The following RGL1 variants were observed in gnomAD, a reference collection of about 807,000 sequenced individuals.
RGL1 encodes ral guanine nucleotide dissociation stimulator-like 1.
Under a neutral mutation model 95.2 loss-of-function variants are expected in RGL1, and 24 were observed. The observed-to-expected ratio is 0.25, with a 90% confidence interval of 0.18 to 0.35. The LOEUF is 0.35. Ranked by LOEUF, RGL1 falls within the 10% of genes least tolerant of loss-of-function variation. RGL1 has a pLI of 1.00. For synonymous variants in RGL1, 329 were observed against 344.9 expected (o/e 0.95, Z 0.51); for missense variants, 715 against 936.3 (o/e 0.76, Z 3.08).
intron 4 of RGL1, among the ~76,000 whole-genome samples, chr1:183,879,632 C>T (rs1666712277): frequency 1.3e-5 from 2 of 152,316 alleles, no homozygotes; most frequent in South Asian, 4.1e-4. Flanking sequence ...ATTCCGGGAC[C>T]GTATGGGGTA....
intron 2 of RGL1, among the ~76,000 whole-genome samples, chr1:183,798,805 CTTTCT>C (rs1180219844): frequency 6.8e-6 from 1 of 147,196 alleles, no homozygotes; most frequent in African/African-American, 2.5e-5. Flanking sequence ...CAGTATTTGT[CTTTCT>C]GTATTTGGTT....
chr1:183,830,684 G>GAA (rs35154519), intron 2 of RGL1, among the ~76,000 whole-genome samples: 15,155 of 150,416 alleles, frequency 0.1, 812 homozygotes, highest in South Asian at 0.12. Flanking sequence ...GAATTCTGGA[G>GAA]AAAAAAAAAC....
chr1:183,707,701 G>T (rs1287580439), intron 1 of RGL1, among the ~76,000 whole-genome samples: 1 of 152,118 alleles, frequency 6.6e-6, no homozygotes, highest in Non-Finnish European at 1.5e-5. Context: ...TTGTCCTGAG[G>T]AGGGGACGGT....
At chr1:183,741,960 A>G (rs1278038657) in intron 1 of RGL1, among the ~76,000 whole-genome samples, 1 of 152,222 alleles carries the variant, frequency 6.6e-6, no homozygotes, top group East Asian at 1.9e-4. Context: ...TAAAATACCA[A>G]TAATGAATAT....
intron 1 of RGL1, among the ~76,000 whole-genome samples, chr1:183,638,999 G>A (rs181349800): frequency 6.6e-6 from 1 of 152,282 alleles, no homozygotes; most frequent in East Asian, 1.9e-4. Context: ...TTGAATCCTG[G>A]CTGGGCGTGG....
chr1:183,861,849 C>T (rs1039900968), intron 3 of RGL1, among the ~76,000 whole-genome samples: 2 of 152,092 alleles, frequency 1.3e-5, no homozygotes, highest in Non-Finnish European at 2.9e-5. Context: ...TTATTTACTA[C>T]CCTGGAATAA....
chr1:183,826,452 T>TGAG (rs1468186094), intron 2 of RGL1, among the ~76,000 whole-genome samples: 1 of 152,220 alleles, frequency 6.6e-6, no homozygotes, highest in Non-Finnish European at 1.5e-5. Context: ...GTAAGTTCCA[T>TGAG]GAGGACATGG....
intron 12 of RGL1, among the ~76,000 whole-genome samples, chr1:183,903,221 T>C (rs1668125147): frequency 6.6e-6 from 1 of 152,050 alleles, no homozygotes; most frequent in African/African-American, 2.4e-5. Flanking sequence ...GAAGAGTTAA[T>C]AAAGATGGTA....
rs1325240746 is a variant in RGL1 at position 183,891,749 on chromosome 1, T to TG, written c.1056-328_1056-327insG. ...TGTGTAACAGTTTTTTTTTTTTTTT[T>TG]TTTTTTTTTTTGTTTAACTCACTGA... On this transcript the variant is annotated intron_variant, in intron 8 of 17. Coordinates refer to ENST00000360851, the MANE Select transcript of RGL1 (RefSeq NM_001297671.3). Among the ~76,000 whole-genome samples the TG allele has an allele frequency of 3.2e-5, 4 of 124,710 alleles. No individual in the cohort carries two copies. In the South Asian group the frequency reaches 7.5e-4, roughly 23 times the overall value. 81.8% of individuals were successfully genotyped at this position (124,710 alleles called of 152,430 possible).
intron 14 of RGL1, among the ~76,000 whole-genome samples, chr1:183,909,076 C>T (rs1368620345): frequency 1.3e-5 from 2 of 152,218 alleles, no homozygotes; most frequent in Non-Finnish European, 2.9e-5. Flanking sequence ...CAGTACATCT[C>T]TTACTAGTAA....
At chr1:183,860,190 A>G (rs545290317) in intron 3 of RGL1, among the ~76,000 whole-genome samples, 1 of 152,078 alleles carries the variant, frequency 6.6e-6, no homozygotes, top group East Asian at 1.9e-4. Context: ...TCTTTCCTTT[A>G]CTTCTTCCTT....
At chr1:183,905,556 C>T (rs540821154) in intron 13 of RGL1, among the ~76,000 whole-genome samples, 29 of 152,000 alleles carry the variant, frequency 1.9e-4, no homozygotes, top group Non-Finnish European at 3.4e-4. Flanking sequence ...CATTCCAGAC[C>T]GAGAGAGAAC....
At chr1:183,770,273 T>C (rs1659207345) in intron 2 of RGL1, among the ~76,000 whole-genome samples, 2 of 152,202 alleles carry the variant, frequency 1.3e-5, no homozygotes, top group South Asian at 4.1e-4. Flanking sequence ...TTTCAAAGGC[T>C]GTTCTTCCTA....
At chr1:183,788,480 G>A (rs774476466) in intron 2 of RGL1, among the ~76,000 whole-genome samples, 1 of 152,156 alleles carries the variant, frequency 6.6e-6, no homozygotes, top group Non-Finnish European at 1.5e-5. Flanking sequence ...TAAATCCAGA[G>A]ACATACCTAG....
intron 17 of RGL1, among the ~76,000 whole-genome samples, chr1:183,922,665 G>A (rs1253111985): frequency 6.6e-6 from 1 of 152,142 alleles, no homozygotes; most frequent in Non-Finnish European, 1.5e-5. Flanking sequence ...GGAGTCTGTT[G>A]GGCATTGCAG....
intron 11 of RGL1, among the ~76,000 whole-genome samples, chr1:183,901,416 G>C (rs1668017499): frequency 6.6e-6 from 1 of 152,170 alleles, no homozygotes; most frequent in South Asian, 2.1e-4. Context: ...GAGCTCGGGA[G>C]GCAGAGGTTG....
chr1:183,720,880 G>A (rs1449801029), intron 1 of RGL1, among the ~76,000 whole-genome samples: 3 of 152,178 alleles, frequency 2.0e-5, no homozygotes, highest in African/African-American at 4.8e-5. Context: ...GATTGGATGT[G>A]GGTACTGAGC....
chr1:183,893,090 A>G (rs1387750515), intron 9 of RGL1, among the ~76,000 whole-genome samples: 1 of 152,248 alleles, frequency 6.6e-6, no homozygotes, highest in Admixed American at 6.5e-5. Context: ...AGGATGGATC[A>G]GATCCAGCTT....
intron 17 of RGL1, among the ~76,000 whole-genome samples, chr1:183,925,021 C>A (rs1246086083): frequency 2.0e-5 from 3 of 152,104 alleles, no homozygotes; most frequent in African/African-American, 7.2e-5. Flanking sequence ...AAAACTGAGT[C>A]AAAATAACTT....
Sources: allele counts gnomAD v4.1 joint callset (sites outside exome capture counted in the v4.1 genomes callset), GRCh38; gene constraint gnomAD v4.1.1; transcripts MANE v1.5; gene names NCBI Gene and HGNC (gene_info 2026-07-23, HGNC 2026-07-21).